The following VMP1 variants were observed in gnomAD, a reference collection of about 807,000 sequenced individuals.
VMP1 encodes vacuole membrane protein 1, also known as ectopic P-granules autophagy protein 3 homolog.
A neutral mutation model predicts 56.0 loss-of-function variants in VMP1; 11 were observed. The observed-to-expected ratio is 0.20, with a 90% CI of 0.12 to 0.32. The LOEUF is 0.32. Ranked by LOEUF, VMP1 falls within the 10% of genes least tolerant of loss-of-function variation. The pLI is 1.00. For missense variants in VMP1, 296 were observed against 490.3 expected (o/e 0.60, Z 3.74); for synonymous variants, 149 against 165.0 (o/e 0.90, Z 0.74).
At chr17:59,742,870 C>A (rs1480033305) in intron 5 of VMP1, among the ~76,000 whole-genome samples, 1 of 152,168 alleles carries the variant, frequency 6.6e-6, no homozygotes, top group Non-Finnish European at 1.5e-5. Flanking sequence ...ATCTAGCTTG[C>A]ATGCTCTTTA....
intron 10 of VMP1, among the ~76,000 whole-genome samples, chr17:59,832,840 A>G (rs994481332): frequency 7.0e-6 from 1 of 141,940 alleles, no homozygotes; most frequent in Admixed American, 7.6e-5. Context: ...CGAACTCCTG[A>G]CCTCAGGTGA....
chr17:59,815,709 T>C (rs76445053), intron 9 of VMP1, among the ~76,000 whole-genome samples: 1 of 146,888 alleles, frequency 6.8e-6, no homozygotes, highest in South Asian at 2.2e-4. Flanking sequence ...ACAAAAAAAT[T>C]AGCTGGGCAT....
chr17:59,709,348 G>C (rs2033816486), intron 1 of VMP1, among the ~76,000 whole-genome samples: 1 of 152,108 alleles, frequency 6.6e-6, no homozygotes, highest in African/African-American at 2.4e-5. Flanking sequence ...CCACTTTTTA[G>C]GATTTTGGTA....
intron 7 of VMP1, among the ~76,000 whole-genome samples, chr17:59,790,902 C>T (rs1041868081): frequency 1.1e-4 from 17 of 152,188 alleles, no homozygotes; most frequent in African/African-American, 4.1e-4. Context: ...TTTCACTTAG[C>T]TTCCTCTTCA....
chr17:59,816,437 A>C (rs949169956), intron 9 of VMP1, among the ~76,000 whole-genome samples: 3 of 152,246 alleles, frequency 2.0e-5, no homozygotes, highest in Non-Finnish European at 2.9e-5. Flanking sequence ...TTGCCTTATT[A>C]GTCTTCTTGC....
At position 59,838,357 on chromosome 17, in the gene VMP1, G is replaced by A. The variant is rs548744804; in HGVS notation, c.1037G>A (p.Arg346Gln). The change falls in exon 11 of 12, where the codon CGG (arginine) becomes CAG (glutamine). Residue 346 changes from arginine (R) to glutamine (Q), a missense_variant. Physicochemically the swap from Arg to Gln is conservative, Grantham distance 43. This residue lies in a region of VMP1 where 95 missense variants were observed against 137.6 expected (regional missense o/e 0.69). Transcript: ENST00000262291. The part of the protein sequence containing the change: ...KPFQEYLEAQ[R>Q]QKLHHKSEMG... ...TTTCAGGAGTACCTGGAGGCTCAACGGCAGAAGCTTCACCACAAAAGCGAA... is the reference window on the plus strand; with the variant it reads ...TTTCAGGAGTACCTGGAGGCTCAACAGCAGAAGCTTCACCACAAAAGCGAA... 1.3e-5 allele frequency: 21 copies of A among 1,613,990 alleles called. No individual in the cohort carries two copies. The highest frequency in any genetic ancestry group is 5.3e-5 in the African/African-American group (4 of 74,962).
chr17:59,746,023 T>C lies in VMP1; in HGVS notation c.414+7076T>C, dbSNP rs571419250. 4.6e-5 allele frequency among the ~76,000 whole-genome samples: 7 copies of C among 152,380 alleles called. No individual in the cohort carries two copies. The South Asian group carries it at 1.4e-3, about 32-fold the overall frequency. On this transcript the variant is annotated intron_variant, in intron 5 of 11. Transcript: ENST00000262291. ...CCTAGAGTGTGGAAGGTATCTTTTT[T>C]GGAAGTATCATTTAGTAAGTTATAA...
Position 59,821,862 on chromosome 17 carries a change from A to T in VMP1, c.974+4089A>T, listed in dbSNP as rs552979840. Among the ~76,000 whole-genome samples, 4 of 140,082 alleles carry T rather than the reference A, an allele frequency of 2.9e-5. No individual in the cohort carries two copies. The East Asian group carries it at 8.6e-4, about 30-fold the overall frequency. The allele number at this position is 140,082 out of a possible 152,430, so 91.9% of individuals were successfully genotyped here. A position where few individuals can be genotyped will look rare whatever the true frequency, so the allele number is the denominator to read the frequency against. On this transcript the variant is annotated intron_variant, in intron 10 of 11. Transcript: ENST00000262291. The stretch of plus-strand genomic sequence containing the variant: ...ACTGCACCTGGCCTTTTTTTTTTTG[A>T]GATGGAGTTTTGCTTTGTCGCCCAG...
intron 10 of VMP1, among the ~76,000 whole-genome samples, chr17:59,834,871 G>A (rs1355227106): frequency 6.6e-6 from 1 of 151,388 alleles, no homozygotes; most frequent in African/African-American, 2.4e-5. Context: ...TGATCCACCT[G>A]CCTCGGCCTC....
At chr17:59,737,631 A>G (rs892424347) in intron 4 of VMP1, 88 bp downstream of exon 4, 2 of 1,175,052 alleles carry the variant, frequency 1.7e-6, no homozygotes, top group Non-Finnish European at 2.4e-6. Flanking sequence ...TGGGTTTTAT[A>G]GAATTTCTAC....
At chr17:59,786,750 G>C (rs2037020116) in intron 7 of VMP1, among the ~76,000 whole-genome samples, 1 of 152,196 alleles carries the variant, frequency 6.6e-6, no homozygotes, top group South Asian at 2.1e-4. Flanking sequence ...TAGAGGGTTT[G>C]CATTAAGCTT....
chr17:59,726,370 T>G (rs1426635173), intron 1 of VMP1, among the ~76,000 whole-genome samples: 1 of 151,784 alleles, frequency 6.6e-6, no homozygotes, highest in Non-Finnish European at 1.5e-5. Flanking sequence ...CTCGGCTCCC[T>G]GCGACCTCCA....
At chr17:59,788,633 C>T (rs962397584) in intron 7 of VMP1, among the ~76,000 whole-genome samples, 4 of 151,992 alleles carry the variant, frequency 2.6e-5, no homozygotes, top group South Asian at 2.1e-4. Context: ...GGCGAAACCC[C>T]GTCTCTACTA....
At chr17:59,777,021 A>G (rs1167566134) in intron 7 of VMP1, among the ~76,000 whole-genome samples, 1 of 152,148 alleles carries the variant, frequency 6.6e-6, no homozygotes, top group Admixed American at 6.6e-5. Flanking sequence ...CTGTAAAAAC[A>G]TCTCATGATA....
chr17:59,786,009 G>GA (rs559965001), intron 7 of VMP1, among the ~76,000 whole-genome samples: 43 of 152,114 alleles, frequency 2.8e-4, no homozygotes, highest in African/African-American at 1.0e-3. Flanking sequence ...ATTTAAGGCT[G>GA]AAAAAAATCT....
In VMP1 at chr17:59,793,250, T is replaced by C. The variant is rs1475409620; in HGVS notation, c.715-15546T>C. ...CCAGGCTGGTCTTGAACTCCCGACC[T>C]CAGTTGATCTACCTGCCTCAGCCTC... On this transcript the variant is annotated intron_variant, in intron 7 of 11. Transcript: ENST00000262291. Among the ~76,000 whole-genome samples, 3 of 113,722 alleles carry C rather than the reference T, an allele frequency of 2.6e-5. 1 individual carries two copies. The highest frequency in any genetic ancestry group is 4.4e-5 in the Non-Finnish European group (2 of 45,794). The allele number at this position is 113,722 out of a possible 152,430, so 74.6% of individuals were successfully genotyped here.
intron 7 of VMP1, among the ~76,000 whole-genome samples, chr17:59,788,569 C>T (rs2037093724): frequency 6.6e-6 from 1 of 151,684 alleles, no homozygotes; most frequent in Admixed American, 6.6e-5. Context: ...TTTGGGAGGC[C>T]GAGGTGAGCG....
intron 7 of VMP1, among the ~76,000 whole-genome samples, chr17:59,806,769 T>A (rs2037857313): frequency 6.6e-6 from 1 of 151,514 alleles, no homozygotes; most frequent in Admixed American, 6.6e-5. Flanking sequence ...AAAAAGTAAG[T>A]CTAATCCCAA....
chr17:59,751,291 G>A (rs899239582), intron 5 of VMP1, among the ~76,000 whole-genome samples: 1 of 152,104 alleles, frequency 6.6e-6, no homozygotes, highest in African/African-American at 2.4e-5. Flanking sequence ...TCCAGTACAT[G>A]AGCGATCAGG....
Sources: gnomAD v4.1 joint callset for allele counts (sites outside exome capture counted in the v4.1 genomes callset) on GRCh38, gnomAD v4.1.1 for gene constraint, gnomAD v4.1.1 regional missense constraint, MANE v1.5 for transcripts, NCBI Gene and HGNC (gene_info 2026-07-23, HGNC 2026-07-21) for gene names.